The following RYR3 variants were observed in gnomAD, a reference collection of about 807,000 sequenced individuals.
RYR3 encodes the protein ryanodine receptor 3.
Under a neutral mutation model 584.3 loss-of-function variants are expected in RYR3, and 207 were observed. The observed-to-expected ratio is 0.35, with a 90% CI of 0.32 to 0.40. RYR3 has a LOEUF of 0.40. RYR3 is among the 10% of genes least tolerant of loss of function. The pLI is 1.00. For missense variants in RYR3, 5,616 were observed against 6,089.2 expected, an observed-to-expected ratio of 0.92 and a Z score of 2.59; for synonymous variants, 2,416 against 2,248.5, an observed-to-expected ratio of 1.07 and a Z score of -2.11.
At chr15:33,434,489 T>A (rs2045481857) in intron 1 of RYR3, among the ~76,000 whole-genome samples, 1 of 152,236 alleles carries the variant, frequency 6.6e-6, no homozygotes, top group African/African-American at 2.4e-5. Flanking sequence ...CTTCTCTCTG[T>A]AATATAGAAC....
chr15:33,661,316 A>T (rs151216216), intron 34 of RYR3, among the ~76,000 whole-genome samples: 2 of 152,352 alleles, frequency 1.3e-5, no homozygotes, highest in Non-Finnish European at 2.9e-5. Flanking sequence ...GAGAGAGCCA[A>T]CTGGATAATG....
chr15:33,693,827 A>G (rs1046357372), intron 38 of RYR3, among the ~76,000 whole-genome samples: 3 of 152,228 alleles, frequency 2.0e-5, no homozygotes, highest in South Asian at 2.1e-4. Flanking sequence ...GAGCAGGTGG[A>G]GAGTAACATT....
intron 1 of RYR3, among the ~76,000 whole-genome samples, chr15:33,420,696 T>C (rs1049985974): frequency 1.3e-5 from 2 of 152,074 alleles, no homozygotes; most frequent in African/African-American, 4.8e-5. Context: ...ATCTCACAAA[T>C]TTTAAAAACT....
intron 1 of RYR3, among the ~76,000 whole-genome samples, chr15:33,404,569 A>G (rs546939473): frequency 6.7e-6 from 1 of 149,886 alleles, no homozygotes; most frequent in Admixed American, 6.6e-5. Context: ...TAAATGAGGA[A>G]TTACTATTTA....
intron 60 of RYR3, 125 bp downstream of exon 60, chr15:33,757,721 C>G (rs1173544443): frequency 9.3e-7 from 1 of 1,078,714 alleles, no homozygotes; most frequent in Non-Finnish European, 1.3e-6. Flanking sequence ...GGTTTGTCAT[C>G]TGAGTTTCGA....
chr15:33,673,476 G>A (rs1376795389), intron 38 of RYR3, among the ~76,000 whole-genome samples: 4 of 152,210 alleles, frequency 2.6e-5, no homozygotes, highest in Non-Finnish European at 4.4e-5. Flanking sequence ...AGGATCAAAT[G>A]ATAATGAACA....
intron 67 of RYR3, among the ~76,000 whole-genome samples, chr15:33,796,697 T>C (rs1306674438): frequency 6.6e-6 from 1 of 152,198 alleles, no homozygotes; most frequent in Non-Finnish European, 1.5e-5. Context: ...TATGGAAATT[T>C]CTCAAAGAAC....
At chr15:33,835,868 C>T (rs1236279568) in intron 87 of RYR3, among the ~76,000 whole-genome samples, 1 of 149,756 alleles carries the variant, frequency 6.7e-6, no homozygotes, top group East Asian at 2.0e-4. Context: ...AGTCTCGAGA[C>T]AAGAGCCCTG....
At chr15:33,756,844 A>C (rs1473996508) in intron 59 of RYR3, among the ~76,000 whole-genome samples, 1 of 152,116 alleles carries the variant, frequency 6.6e-6, no homozygotes, top group Non-Finnish European at 1.5e-5. Context: ...TTCTGGTACG[A>C]TATGATACCT....
At chr15:33,558,257 C>G (rs1437458236) in intron 10 of RYR3, among the ~76,000 whole-genome samples, 1 of 151,760 alleles carries the variant, frequency 6.6e-6, no homozygotes, top group Non-Finnish European at 1.5e-5. Flanking sequence ...TCCCCCCACC[C>G]CACAACAGGC....
At position 33,831,054 on chromosome 15, in the gene RYR3, C is replaced by T. The variant is rs1391020882; in HGVS notation, c.11426C>T (p.Thr3809Ile). The change falls in exon 86 of 104, where the codon ACC becomes ATC. Residue 3809 changes from threonine (T) to isoleucine (I), a missense_variant. Physicochemically the swap from Thr to Ile is moderately conservative, Grantham distance 89 (BLOSUM62 -1). Coordinates refer to ENST00000634891, the MANE Select transcript of RYR3 (RefSeq NM_001036.6). ...AATTTTTCCAAAGCTCTGGCAGTCACCAAGCAGATTTTCAATTCTCTTACA... is the reference window on the plus strand; with the variant it reads ...AATTTTTCCAAAGCTCTGGCAGTCATCAAGCAGATTTTCAATTCTCTTACA... ...QHNFSKALAV[T>I]KQIFNSLTEY... 5.0e-6 allele frequency: 8 copies of T among 1,613,632 alleles called. No individual in the cohort carries two copies. The highest frequency in any genetic ancestry group is 6.8e-6 in the Non-Finnish European group (8 of 1,179,832).
At position 33,821,596 on chromosome 15, in the gene RYR3, GCAA is replaced by G; in HGVS notation, c.10992_10994del (p.Gln3665del). 6.2e-7 allele frequency: 1 copy of G among 1,613,932 alleles called. No homozygotes were observed. Among genetic ancestry groups the G allele is most frequent in the Non-Finnish European group, 8.5e-7 (1 of 1,179,870 alleles). On this transcript the variant is annotated inframe_deletion, in exon 80 of 104. Transcript: ENST00000634891. ...TTCTGAACGGAGGCAATGCTGGTGT[GCAA>G]CAGGTAACGGGAACTTGCAGCGGCT... is the stretch of plus-strand genomic sequence containing the variant.
chr15:33,845,935 T>G (rs1380099627), intron 93 of RYR3, among the ~76,000 whole-genome samples: 4 of 152,184 alleles, frequency 2.6e-5, no homozygotes, highest in Non-Finnish European at 4.4e-5. Flanking sequence ...TTTGGGCAGT[T>G]CCTCTGTTCT....
At chr15:33,806,575 G>C (rs1397016167) in intron 69 of RYR3, among the ~76,000 whole-genome samples, 1 of 151,922 alleles carries the variant, frequency 6.6e-6, no homozygotes, top group Admixed American at 6.6e-5. Flanking sequence ...AAATTGCAGT[G>C]AGTTAACTAA....
rs1228240605 is a variant in RYR3, at chr15:33,785,705, C to T, written c.9312C>T (p.Ile3104=). The T allele has an allele frequency of 5.6e-6, 9 of 1,611,886 alleles. No individual in the cohort carries two copies. The Admixed American group carries it at 1.0e-4, about 18-fold the overall frequency. The part of the protein sequence containing the change: ...PDTVEDMCPD[I]PQLEGLMKEI... The stretch of plus-strand genomic sequence containing the variant: ...CGGTAGAAGACATGTGTCCTGACAT[C>T]CCCCAGCTGGAAGGCCTGATGAAGG... Residue 3104 remains isoleucine, a synonymous_variant, in exon 66 of 104, where the codon ATC becomes ATT. Coordinates refer to ENST00000634891, the MANE Select transcript of RYR3 (RefSeq NM_001036.6).
At chr15:33,770,677 A>G (rs1200544450) in intron 62 of RYR3, among the ~76,000 whole-genome samples, 2 of 152,162 alleles carry the variant, frequency 1.3e-5, no homozygotes, top group East Asian at 1.9e-4. Flanking sequence ...TGAGCATGGG[A>G]GGCTCTCATG....
At chr15:33,529,225 G>C (rs1238428325) in intron 3 of RYR3, among the ~76,000 whole-genome samples, 2 of 152,210 alleles carry the variant, frequency 1.3e-5, no homozygotes, top group African/African-American at 4.8e-5. Context: ...AATAATCTCT[G>C]TAGCTGTGGG....
chr15:33,551,043 G>A (rs150556671), intron 10 of RYR3, among the ~76,000 whole-genome samples: 6 of 152,192 alleles, frequency 3.9e-5, no homozygotes, highest in East Asian at 1.9e-4. Context: ...TTTAGAAACC[G>A]CCTCCTTTAA....
chr15:33,654,195 G>T (rs1028826923), intron 32 of RYR3, among the ~76,000 whole-genome samples: 1 of 152,068 alleles, frequency 6.6e-6, no homozygotes, highest in African/African-American at 2.4e-5. Flanking sequence ...GAGAAATCTT[G>T]ATTTATTTAT....
Sources: gnomAD v4.1 joint callset for allele counts (sites outside exome capture counted in the v4.1 genomes callset) on GRCh38, gnomAD v4.1.1 for gene constraint, MANE v1.5 for transcripts, NCBI Gene and HGNC (gene_info 2026-07-23, HGNC 2026-07-21) for gene names.